Variants in PAK5 observed in about 807,000 individuals in gnomAD.
PAK5 encodes the protein serine/threonine-protein kinase PAK 5.
A neutral mutation model predicts 65.9 loss-of-function variants in PAK5; 16 were observed. That is an observed-to-expected ratio of 0.24 (90% CI 0.16 to 0.37). The LOEUF (loss-of-function observed/expected upper bound fraction) is 0.37, where lower values mean the gene tolerates loss of function less well. Among genes scored for constraint, PAK5 ranks in the 10% least tolerant of loss-of-function variants. The probability of loss-of-function intolerance (pLI) is 1.00; values close to 1 mark genes in which losing one functional copy is unlikely to be tolerated. For missense variants in PAK5, 785 were observed against 903.9 expected (o/e 0.87, Z 1.69); for synonymous variants, 371 against 354.9 (o/e 1.05, Z -0.51).
At chr20:9,833,515 T>G (rs1005914261) in intron 1 of PAK5, among the ~76,000 whole-genome samples, 1 of 132,112 alleles carries the variant, frequency 7.6e-6, no homozygotes, top group African/African-American at 2.9e-5. Flanking sequence ...ACCATCAAAC[T>G]TCCCCCCACC....
chr20:9,635,804 T>C (rs1454768434), intron 3 of PAK5, among the ~76,000 whole-genome samples: 4 of 152,018 alleles, frequency 2.6e-5, no homozygotes, highest in African/African-American at 9.7e-5. Context: ...CAAAAAACAC[T>C]GATTTAAGAG....
At chr20:9,594,486 A>G (rs1568986781) in intron 3 of PAK5, among the ~76,000 whole-genome samples, 1 of 152,204 alleles carries the variant, frequency 6.6e-6, no homozygotes, top group African/African-American at 2.4e-5. Flanking sequence ...TGAGTAACCT[A>G]CTGACATTGA....
chr20:9,686,486 C>T (rs2047721260), intron 2 of PAK5, among the ~76,000 whole-genome samples: 1 of 152,186 alleles, frequency 6.6e-6, no homozygotes, highest in Non-Finnish European at 1.5e-5. Flanking sequence ...GCCTTGACTT[C>T]CTGGGATCAG....
In PAK5 at chr20:9,662,671, C is replaced by T. The variant is rs2123337465; in HGVS notation, c.-11-18332G>A. On this transcript the variant is annotated intron_variant, in intron 2 of 9. Transcript: ENST00000353224. ...TCCACTTGCTGACCAGGAGCACCTG[C>T]ACTGGACTTCATGCAAGCAAGAAAT... 1.3e-5 allele frequency among the ~76,000 whole-genome samples: 2 copies of T among 152,288 alleles called. 1 individual carries two copies. Among genetic ancestry groups the T allele is most frequent in the African/African-American group, 4.8e-5 (2 of 41,562 alleles).
intron 2 of PAK5, among the ~76,000 whole-genome samples, chr20:9,648,560 A>C (rs1210722056): frequency 6.6e-6 from 1 of 151,930 alleles, no homozygotes; most frequent in Non-Finnish European, 1.5e-5. Flanking sequence ...CCAAGTTCCC[A>C]GATGCCAGCC....
At chr20:9,568,846 T>A (rs1026882123) in intron 4 of PAK5, among the ~76,000 whole-genome samples, 13 of 151,996 alleles carry the variant, frequency 8.6e-5, no homozygotes, top group South Asian at 2.1e-4. Flanking sequence ...ATAATAAAAA[T>A]AATAATAATA....
chr20:9,728,263 G>A (rs2048298548), intron 1 of PAK5, among the ~76,000 whole-genome samples: 1 of 151,922 alleles, frequency 6.6e-6, no homozygotes, highest in Non-Finnish European at 1.5e-5. Flanking sequence ...GTGGTGCTTT[G>A]ATCTTGGATT....
At chr20:9,752,662 C>T (rs1831012838) in intron 1 of PAK5, among the ~76,000 whole-genome samples, 2 of 152,030 alleles carry the variant, frequency 1.3e-5, no homozygotes, top group Admixed American at 6.6e-5. Context: ...AAAAATAAGA[C>T]TAAGGAAATT....
At chr20:9,821,155 C>T (rs191737060) in intron 1 of PAK5, among the ~76,000 whole-genome samples, 1 of 152,020 alleles carries the variant, frequency 6.6e-6, no homozygotes, top group Non-Finnish European at 1.5e-5. Context: ...CCGAGGCAGG[C>T]GGATCATCTG....
At position 9,584,574 on chromosome 20, in the gene PAK5, G is replaced by A. The variant is rs146401915; in HGVS notation, c.205-3644C>T. On this transcript the variant is annotated intron_variant, in intron 3 of 9. Transcript: ENST00000353224. ...GATCCACCCGCCTTGGCCTCCCAAA[G>A]TGCTGGGATTACAGGCGTGAGCCAC... Among the ~76,000 whole-genome samples the A allele has an allele frequency of 1.0e-2, 1,522 of 152,280 alleles. 16 individuals carry two copies. The highest frequency in any genetic ancestry group is 0.035 in the African/African-American group (1,443 of 41,548).
At chr20:9,822,947 T>A (rs2049440284) in intron 1 of PAK5, among the ~76,000 whole-genome samples, 2 of 152,226 alleles carry the variant, frequency 1.3e-5, no homozygotes, top group South Asian at 4.1e-4. Context: ...TTTAATACTC[T>A]AATTTTGGCA....
chr20:9,622,288 G>A (rs1337191510), intron 3 of PAK5, among the ~76,000 whole-genome samples: 1 of 152,000 alleles, frequency 6.6e-6, no homozygotes, highest in Admixed American at 6.5e-5. Flanking sequence ...GTACCCACTA[G>A]ACATATGTGA....
chr20:9,797,548 TG>T (rs1470895437), intron 1 of PAK5, among the ~76,000 whole-genome samples: 3 of 150,626 alleles, frequency 2.0e-5, no homozygotes, highest in Non-Finnish European at 3.0e-5. Flanking sequence ...CTAATGTAAA[TG>T]ACGAGTTAAT....
chr20:9,549,359 G>C (rs1470139435), intron 7 of PAK5, among the ~76,000 whole-genome samples: 1 of 152,050 alleles, frequency 6.6e-6, no homozygotes, highest in Non-Finnish European at 1.5e-5. Flanking sequence ...TCAATAACCA[G>C]ATTAACGTAG....
At chr20:9,572,148 A>G (rs17406954) in intron 4 of PAK5, among the ~76,000 whole-genome samples, 3,905 of 152,122 alleles carry the variant, frequency 0.026, 67 homozygotes, top group Middle Eastern at 0.041. Context: ...CATCACAGCA[A>G]AACGAGTTGA....
intron 3 of PAK5, among the ~76,000 whole-genome samples, chr20:9,626,619 G>A (rs2046847385): frequency 6.6e-6 from 1 of 152,212 alleles, no homozygotes; most frequent in African/African-American, 2.4e-5. Context: ...TGGTTCCAAG[G>A]TTGGAGAAGT....
chr20:9,603,288 T>TGGC (rs2046392612), intron 3 of PAK5, among the ~76,000 whole-genome samples: 5 of 152,300 alleles, frequency 3.3e-5, no homozygotes, highest in South Asian at 2.1e-4. Flanking sequence ...GAGAACACAT[T>TGGC]GGCAGCAGCA....
intron 1 of PAK5, among the ~76,000 whole-genome samples, chr20:9,781,704 C>T (rs2048942077): frequency 1.3e-5 from 1 of 74,812 alleles, no homozygotes; most frequent in African/African-American, 7.8e-5. Context: ...AGAACCTTGG[C>T]ACTATCCTTG....
chr20:9,823,265 C>G (rs2049444409), intron 1 of PAK5, among the ~76,000 whole-genome samples: 1 of 152,176 alleles, frequency 6.6e-6, no homozygotes, highest in South Asian at 2.1e-4. Flanking sequence ...TGATCTTGGA[C>G]TTCCAAGCCT....
Sources: allele counts gnomAD v4.1 joint callset (sites outside exome capture counted in the v4.1 genomes callset), GRCh38; gene constraint gnomAD v4.1.1; transcripts MANE v1.5; gene names NCBI Gene and HGNC (gene_info 2026-07-23, HGNC 2026-07-21).